The following PITPNM3 variants were observed in gnomAD, a reference collection of about 807,000 sequenced individuals.
The protein encoded by PITPNM3 is membrane-associated phosphatidylinositol transfer protein 3.
PITPNM3 carries 26 observed loss-of-function variants against 102.0 expected under a neutral mutation model. The observed-to-expected ratio is 0.25, with a 90% CI of 0.19 to 0.35. The LOEUF (loss-of-function observed/expected upper bound fraction) is 0.35. Ranked by LOEUF, PITPNM3 falls within the 10% of genes least tolerant of loss-of-function variation. PITPNM3 has a pLI of 1.00. For missense variants in PITPNM3, 1,083 were observed against 1,346.1 expected (o/e 0.80, Z 3.06); for synonymous variants, 578 against 558.6 (o/e 1.03, Z -0.49).
At chr17:6,549,295 A>T (rs142868195) in intron 1 of PITPNM3, among the ~76,000 whole-genome samples, 201 of 152,242 alleles carry the variant, frequency 1.3e-3, no homozygotes, top group Middle Eastern at 0.01. Flanking sequence ...GAACCCCAAC[A>T]TGCCACACTC....
intron 10 of PITPNM3, 137 bp downstream of exon 10, chr17:6,474,295 T>C: frequency 8.1e-7 from 1 of 1,230,552 alleles, no homozygotes; most frequent in South Asian, 1.3e-5. Flanking sequence ...CCACCCTCTC[T>C]CCTCTCTTTC....
rs1904907751 is a variant in PITPNM3 at position 6,468,668 on chromosome 17, G to T, written c.1774-327C>A. On this transcript the variant is annotated intron_variant, in intron 13 of 19. Coordinates refer to ENST00000262483, the MANE Select transcript of PITPNM3 (RefSeq NM_031220.4). The surrounding 1 kb of genome is among the most constrained non-coding windows in gnomAD (Gnocchi z 5.2). ...TGGCCCTTTCTTAAGGCCGGCTTGAGTCCTGATCCCAGCCCCTCCTTGCTT... is the reference window on the plus strand; with the variant it reads ...TGGCCCTTTCTTAAGGCCGGCTTGATTCCTGATCCCAGCCCCTCCTTGCTT... Among the ~76,000 whole-genome samples, 1 of 152,148 alleles carries T rather than the reference G, an allele frequency of 6.6e-6. No individual in the cohort carries two copies. Among genetic ancestry groups the T allele is most frequent in the Non-Finnish European group, 1.5e-5 (1 of 68,022 alleles).
Position 6,478,922 on chromosome 17 carries a change from ATT to A in PITPNM3, c.588-188_588-187del. The A allele has an allele frequency of 1.6e-6, 1 of 631,790 alleles. No homozygotes were observed. 39.1% of individuals were successfully genotyped at this position (631,790 alleles called of 1,614,324 possible). On this transcript the variant is annotated intron_variant, in intron 6 of 19. Coordinates refer to ENST00000262483, the MANE Select transcript of PITPNM3 (RefSeq NM_031220.4). This position sits in a 1 kb window ranked among gnomAD's most constrained non-coding sequence, Gnocchi z 4.4. ...AGTGTGGGGAGGAGAGGGGAAGAGGATTCAAGCCTACACTGACTCCCTGTGTG... is the reference window on the plus strand; with the variant it reads ...AGTGTGGGGAGGAGAGGGGAAGAGGACAAGCCTACACTGACTCCCTGTGTG...
At chr17:6,497,338 C>T (rs987314854) in intron 4 of PITPNM3, among the ~76,000 whole-genome samples, 12 of 152,226 alleles carry the variant, frequency 7.9e-5, no homozygotes, top group East Asian at 3.9e-4. Context: ...CAGTGGGGTG[C>T]GAAGTCAAAC....
chr17:6,472,573 TACTC>T lies in PITPNM3; in HGVS notation c.1429+80_1429+83del. The T allele has an allele frequency of 6.7e-7, 1 of 1,486,540 alleles. No individual in the cohort carries two copies. The highest frequency in any genetic ancestry group is 9.2e-7 in the Non-Finnish European group (1 of 1,087,770). 92.1% of individuals were successfully genotyped at this position (1,486,540 alleles called of 1,614,324 possible). ...CAGCCCCTGCTCAGGTGAGTCACCC[TACTC>T]ACTGAGAGCTTGGAGGGGTTGAATG... On this transcript the variant is annotated intron_variant, in intron 11 of 19. Transcript: ENST00000262483. The surrounding 1 kb of genome is among the most constrained non-coding windows in gnomAD (Gnocchi z 4.1).
At position 6,452,421 on chromosome 17, in the gene PITPNM3, G is replaced by C. The variant is rs1284139669; in HGVS notation, c.*2917C>G. On this transcript the variant is annotated 3_prime_UTR_variant, in exon 20 of 20. Transcript: ENST00000262483. ...AGAAACAAGGAGCTTTGGTCAGGCA[G>C]GAAGATCTGTTTCCAGCTGCTGGAG... The C allele has an allele frequency of 6.6e-6, 1 of 152,204 alleles. No individual in the cohort carries two copies. Among genetic ancestry groups the C allele is most frequent in the Admixed American group, 6.5e-5 (1 of 15,284 alleles). 9.4% of individuals were successfully genotyped at this position (152,204 alleles called of 1,614,324 possible).
At chr17:6,471,089 G>A in intron 12 of PITPNM3, 72 bp downstream of exon 12, 1 of 1,554,372 alleles carries the variant, frequency 6.4e-7, no homozygotes, top group East Asian at 2.3e-5. Context: ...CTCTAGCAGT[G>A]GCCCAGCAAA....
chr17:6,456,887 C>T (rs1179050260), intron 19 of PITPNM3, among the ~76,000 whole-genome samples: 1 of 152,176 alleles, frequency 6.6e-6, no homozygotes, highest in African/African-American at 2.4e-5. Context: ...AATCCATCCC[C>T]TACCAAAAAA....
intron 3 of PITPNM3, among the ~76,000 whole-genome samples, chr17:6,510,967 T>C (rs1221113954): frequency 1.3e-5 from 2 of 151,946 alleles, no homozygotes; most frequent in East Asian, 1.9e-4. Context: ...TAGGAGACAG[T>C]GGGGGTGGAA....
chr17:6,459,864 T>C lies in PITPNM3; in HGVS notation c.2490+1509A>G, dbSNP rs1904363645. ...CCCCGACTATTCCACCTCCTAATCC[T>C]GTCCATGTTTTTCTCTCCATCCCAT... On this transcript the variant is annotated intron_variant, in intron 18 of 19. Transcript: ENST00000262483. This position sits in a 1 kb window ranked among gnomAD's most constrained non-coding sequence, Gnocchi z 5.0. Among the ~76,000 whole-genome samples, 1 of 152,094 alleles carries C rather than the reference T, an allele frequency of 6.6e-6. No homozygotes were observed. Among genetic ancestry groups the C allele is most frequent in the African/African-American group, 2.4e-5 (1 of 41,406 alleles).
intron 3 of PITPNM3, among the ~76,000 whole-genome samples, chr17:6,510,085 T>C (rs539714076): frequency 6.6e-6 from 1 of 152,234 alleles, no homozygotes; most frequent in South Asian, 2.1e-4. Flanking sequence ...GTCTTTCCCA[T>C]GTCTTTTATT....
intron 17 of PITPNM3, among the ~76,000 whole-genome samples, chr17:6,462,794 G>A (rs2150716528): frequency 6.6e-6 from 1 of 152,304 alleles, no homozygotes; most frequent in South Asian, 2.1e-4. Context: ...ATCACCCCTA[G>A]GGATTCTGGT....
intron 9 of PITPNM3, among the ~76,000 whole-genome samples, chr17:6,476,812 G>A (rs1190485580): frequency 2.0e-5 from 3 of 152,222 alleles, no homozygotes; most frequent in Non-Finnish European, 4.4e-5. Flanking sequence ...TCAGAGCAGG[G>A]CAGGGACAGG....
chr17:6,538,956 T>G (rs1166164822), intron 1 of PITPNM3, among the ~76,000 whole-genome samples: 2 of 152,152 alleles, frequency 1.3e-5, no homozygotes, highest in African/African-American at 2.4e-5. Flanking sequence ...TTCCCTGCCC[T>G]GAGTCCAGAT....
intron 1 of PITPNM3, among the ~76,000 whole-genome samples, chr17:6,548,871 G>A (rs886955084): frequency 2.0e-5 from 3 of 152,082 alleles, no homozygotes; most frequent in Non-Finnish European, 4.4e-5. Context: ...AGAGCCCAAC[G>A]CGTTTCTATT....
At chr17:6,525,934 T>A (rs985874300) in intron 2 of PITPNM3, among the ~76,000 whole-genome samples, 3 of 152,132 alleles carry the variant, frequency 2.0e-5, no homozygotes, top group Non-Finnish European at 4.4e-5. Context: ...GCAGAGGAGG[T>A]GCTCATAGAT....
chr17:6,514,332 A>C (rs1016802750), intron 3 of PITPNM3, among the ~76,000 whole-genome samples: 2 of 152,160 alleles, frequency 1.3e-5, no homozygotes, highest in African/African-American at 4.8e-5. Context: ...TATAAAGACA[A>C]CCCACAAAAT....
In PITPNM3 at chr17:6,455,436, G is replaced by A. The variant is rs571353247; in HGVS notation, c.2827C>T (p.Arg943Trp). The change falls in exon 20 of 20, where the codon CGG becomes TGG. Residue 943 changes from arginine to tryptophan, a missense_variant. Physicochemically the swap from Arg to Trp is moderately radical, Grantham distance 101 (BLOSUM62 -3). Transcript: ENST00000262483. ...DPPAANPKPE[R>W]AQSQPESDKD... ...TCCGACTCGGGCTGGCTCTGGGCCC[G>A]CTCGGGCTTGGGGTTGGCGGCGGGC... 2 of 1,603,484 alleles carry A rather than the reference G, an allele frequency of 1.2e-6. No individual in the cohort carries two copies. The highest frequency in any genetic ancestry group is 1.1e-5 in the South Asian group (1 of 90,982).
chr17:6,461,654 G>A, intron 17 of PITPNM3, 98 bp from the exon 18 acceptor site: 1 of 1,405,550 alleles, frequency 7.1e-7, no homozygotes, highest in Non-Finnish European at 1.0e-6. Context: ...TGAGACGTCA[G>A]AGGGACGAGT....
Sources: allele counts gnomAD v4.1 joint callset (sites outside exome capture counted in the v4.1 genomes callset), GRCh38; gene constraint gnomAD v4.1.1; non-coding constraint Gnocchi (gnomAD v3.1); transcripts MANE v1.5; gene names NCBI Gene and HGNC (gene_info 2026-07-23, HGNC 2026-07-21).